TNRC18: variants seen among roughly 807,000 people sequenced by gnomAD.
TNRC18 encodes trinucleotide repeat-containing gene 18 protein.
Under a neutral mutation model 226.7 loss-of-function variants are expected in TNRC18, and 69 were observed. The observed-to-expected ratio is 0.30, with a 90% CI of 0.25 to 0.37. TNRC18 has a LOEUF of 0.37. Ranked by LOEUF, TNRC18 falls within the 10% of genes least tolerant of loss-of-function variation. The pLI is 1.00. For synonymous variants in TNRC18, 2,449 were observed against 1,927.6 expected, an observed-to-expected ratio of 1.27 and a Z score of -7.09; for missense variants, 4,754 against 4,256.6, an observed-to-expected ratio of 1.12 and a Z score of -3.25.
intron 8 of TNRC18, 60 bp downstream of exon 8, chr7:5,376,787 G>C (rs1779008261): frequency 6.4e-7 from 1 of 1,572,164 alleles, no homozygotes; most frequent in Non-Finnish European, 8.6e-7. Flanking sequence ...TGGCATCAGA[G>C]ACCATCTCGC....
chr7:5,332,882 G>T lies in TNRC18; in HGVS notation c.5887C>A (p.Leu1963Met). 6.6e-7 allele frequency: 1 copy of T among 1,522,752 alleles called. No individual in the cohort carries two copies. Among genetic ancestry groups the T allele is most frequent in the Non-Finnish European group, 8.7e-7 (1 of 1,143,826 alleles). 94.3% of individuals were successfully genotyped at this position (1,522,752 alleles called of 1,614,324 possible). A position where few individuals can be genotyped will look rare whatever the true frequency, so the allele number is the denominator to read the frequency against. ...GCCTTGCGCCCCTTCTCCACCGCCA[G>T]CTTGGCCTTGTCTGGGCTGCTGGGG... ...PDPSSPDKAKLAVEKGRKARK... is the reference protein window; with the variant it reads ...PDPSSPDKAKMAVEKGRKARK... Residue 1963 changes from leucine to methionine, a missense_variant, in exon 19 of 30, where the codon CTG (leucine) becomes ATG (methionine). Coordinates refer to ENST00000430969, the MANE Select transcript of TNRC18 (RefSeq NM_001080495.3).
chr7:5,410,240 G>C (rs987553430), intron 2 of TNRC18, among the ~76,000 whole-genome samples: 2 of 149,752 alleles, frequency 1.3e-5, no homozygotes, highest in African/African-American at 2.5e-5. Flanking sequence ...GAACCCAAGA[G>C]GCAGAGGTTG....
At chr7:5,421,014 C>T (rs780744649) in intron 2 of TNRC18, 46 bp downstream of exon 2, 1 of 1,542,996 alleles carries the variant, frequency 6.5e-7, no homozygotes, top group South Asian at 1.2e-5. Flanking sequence ...CCGAGTGGAT[C>T]TCCCTGGGAA....
Position 5,357,026 on chromosome 7 carries a change from T to G in TNRC18, c.5084A>C (p.Lys1695Thr). The G allele has an allele frequency of 6.4e-7, 1 of 1,552,330 alleles. No homozygotes were observed. The highest frequency in any genetic ancestry group is 1.4e-5 in the African/African-American group (1 of 73,176). ...GLSLKSSREG[K>T]HKRAAKTRKM... Reference sequence around the variant, plus strand: ...CCTGGTTTTGGCTGCCCTTTTGTGTTTACCTTCTCTGGAGGATTTCAGAGA... The same window carrying G: ...CCTGGTTTTGGCTGCCCTTTTGTGTGTACCTTCTCTGGAGGATTTCAGAGA... Residue 1695 changes from lysine to threonine, a missense_variant, in exon 16 of 30, where the codon AAA (lysine) becomes ACA (threonine). Coordinates refer to ENST00000430969, the MANE Select transcript of TNRC18 (RefSeq NM_001080495.3).
In TNRC18 at chr7:5,362,675, C is replaced by T; in HGVS notation, c.4370G>A (p.Ser1457Asn). 1 of 1,588,850 alleles carries T rather than the reference C, an allele frequency of 6.3e-7. No individual in the cohort carries two copies. Among genetic ancestry groups the T allele is most frequent in the Non-Finnish European group, 8.6e-7 (1 of 1,168,624 alleles). The change falls in exon 12 of 30, where the codon AGC (serine) becomes AAC (asparagine). Residue 1457 changes from serine to asparagine, a missense_variant. Ser to Asn is a conservative substitution (Grantham distance 46). Coordinates refer to ENST00000430969, the MANE Select transcript of TNRC18 (RefSeq NM_001080495.3). ...PRELKPNKKYSWMRKKEERMY... is the reference protein window; with the variant it reads ...PRELKPNKKYNWMRKKEERMY... ...CCGCTCCTCCTTCTTGCGCATCCAG[C>T]TGTACTTCTTGTTGGGCTTCAGCTC...
intron 18 of TNRC18, 45 bp downstream of exon 18, chr7:5,345,517 G>GGGGGGGCCGCCCCCCCCCCCCCCCCCC: frequency 2.6e-6 from 1 of 377,744 alleles, no homozygotes; most frequent in Non-Finnish European, 4.8e-6. Flanking sequence ...AATGGCGTCC[G>GGGGGGGCCGCCCCCCCCCCCCCCCCCC]CCCCTCCCAC....
chr7:5,387,016 G>T (rs1006625928), intron 5 of TNRC18, among the ~76,000 whole-genome samples: 1 of 152,192 alleles, frequency 6.6e-6, no homozygotes, highest in African/African-American at 2.4e-5. Context: ...GGAGGTTGCG[G>T]TGAGCTGAGA....
chr7:5,388,920 GC>G lies in TNRC18; in HGVS notation c.903del (p.Arg302AlafsTer288). On this transcript the variant is annotated frameshift_variant, in exon 5 of 30. Transcript: ENST00000430969. LOFTEE classifies it high-confidence loss of function. ...CGGGCAGCCTCCTTGGCACCCCCGC[GC>G]CCCGCTTCGGCCACCAGCGCGGGCA... ...VGLPALVAEA[G>X]RGGAKEAARQ... 2.2e-6 allele frequency: 3 copies of G among 1,371,658 alleles called. No individual in the cohort carries two copies. The highest frequency in any genetic ancestry group is 3.8e-5 in the East Asian group (1 of 26,042). 85.0% of individuals were successfully genotyped at this position (1,371,658 alleles called of 1,614,324 possible). A position where few individuals can be genotyped will look rare whatever the true frequency, so the allele number is the denominator to read the frequency against.
Position 5,361,667 on chromosome 7 carries a change from G to C in TNRC18, c.4588C>G (p.Arg1530Gly), listed in dbSNP as rs776197746. The change falls in exon 14 of 30, where the codon CGG (arginine) becomes GGG (glycine). Residue 1530 changes from arginine (R) to glycine (G), a missense_variant. Transcript: ENST00000430969. ...SLARRGPGRPRKRTHAPSALS... is the reference protein window; with the variant it reads ...SLARRGPGRPGKRTHAPSALS... ...GCGCTCGGGGCGTGGGTCCGTTTCC[G>C]CGGCCTGCCAGGGCCTCTGCGTGCC... 1.9e-5 allele frequency: 30 copies of C among 1,562,780 alleles called. No individual in the cohort carries two copies. The highest frequency in any genetic ancestry group is 2.5e-5 in the Non-Finnish European group (29 of 1,154,786).
At position 5,357,250 on chromosome 7, in the gene TNRC18, G is replaced by C; in HGVS notation, c.4860C>G (p.Ala1620=). The change falls in exon 16 of 30, where the codon GCC becomes GCG. Residue 1620 remains alanine (A), a synonymous_variant. Coordinates refer to ENST00000430969, the MANE Select transcript of TNRC18 (RefSeq NM_001080495.3). ...SQLKIKKKKM[A]SDQEQLASKL... Reference sequence around the variant, plus strand: ...TGCTTGCCAACTGCTCCTGGTCGCTGGCCATCTTCTTCTTCTTAATCTTTA... The same window carrying C: ...TGCTTGCCAACTGCTCCTGGTCGCTCGCCATCTTCTTCTTCTTAATCTTTA... The C allele has an allele frequency of 6.2e-7, 1 of 1,611,896 alleles. No individual in the cohort carries two copies. Among genetic ancestry groups the C allele is most frequent in the Non-Finnish European group, 8.5e-7 (1 of 1,179,130 alleles).
At chr7:5,385,011 G>A (rs1351215811) in intron 5 of TNRC18, among the ~76,000 whole-genome samples, 8 of 152,238 alleles carry the variant, frequency 5.3e-5, no homozygotes, top group Admixed American at 3.3e-4. Flanking sequence ...GGCCGTCCCC[G>A]GAAGGCAGGA....
chr7:5,388,972 G>A lies in TNRC18; in HGVS notation c.852C>T (p.Cys284=). The A allele has an allele frequency of 1.4e-6, 2 of 1,391,796 alleles. No homozygotes were observed. Among genetic ancestry groups the A allele is most frequent in the East Asian group, 3.6e-5 (1 of 27,656 alleles). The allele number at this position is 1,391,796 out of a possible 1,614,324, so 86.2% of individuals were successfully genotyped here. The stretch of plus-strand genomic sequence containing the variant: ...GCCCCACGTCCCCGGCGCCGCCGTT[G>A]CACATGGTCAGTACCGACGGCTGCA... The part of the protein sequence containing the change: ...AALQPSVLTM[C]NGGAGDVGLP... Residue 284 remains cysteine (C), a synonymous_variant, in exon 5 of 30, where the codon TGC becomes TGT. Coordinates refer to ENST00000430969, the MANE Select transcript of TNRC18 (RefSeq NM_001080495.3).
At chr7:5,321,234 C>T (rs1788323010) in intron 21 of TNRC18, 44 bp from the exon 22 acceptor site, 1 of 1,367,740 alleles carries the variant, frequency 7.3e-7, no homozygotes, top group Middle Eastern at 2.5e-4. Flanking sequence ...CCGGGGGCGT[C>T]TGCGACACCT....
intron 27 of TNRC18, among the ~76,000 whole-genome samples, chr7:5,310,559 A>G (rs1455569558): frequency 1.3e-5 from 2 of 151,900 alleles, no homozygotes; most frequent in Non-Finnish European, 2.9e-5. Context: ...TTTCAAGACA[A>G]GGTCTCACAC....
chr7:5,405,727 G>C lies in TNRC18; in HGVS notation c.188-11132C>G, dbSNP rs373422151. Among the ~76,000 whole-genome samples the C allele has an allele frequency of 8.5e-5, 13 of 152,272 alleles. No individual in the cohort carries two copies. The East Asian group carries it at 2.3e-3, about 27-fold the overall frequency. On this transcript the variant is annotated intron_variant, in intron 2 of 29. Coordinates refer to ENST00000430969, the MANE Select transcript of TNRC18 (RefSeq NM_001080495.3). ...CACTGCACTCCAAGCCTGGGCAACA[G>C]AGCAAGACTCTGTCTCAAAAACAAA...
At chr7:5,407,490 C>T (rs1190335165) in intron 2 of TNRC18, 2 of 152,260 alleles carry the variant, frequency 1.3e-5, no homozygotes, top group Non-Finnish European at 2.9e-5. Flanking sequence ...AGCAGATTCC[C>T]AAAGATCCAT....
In TNRC18 at chr7:5,345,843, C is replaced by G. The variant is rs1467577966; in HGVS notation, c.5471-33G>C. On this transcript the variant is annotated intron_variant, in intron 17 of 29. Coordinates refer to ENST00000430969, the MANE Select transcript of TNRC18 (RefSeq NM_001080495.3). Reference sequence around the variant, plus strand: ...GCAGAAAACAGGGACCGAGTCAGAGCCTTGGCCTTGGCGAGGGCCACCCCC... The same window carrying G: ...GCAGAAAACAGGGACCGAGTCAGAGGCTTGGCCTTGGCGAGGGCCACCCCC... The G allele has an allele frequency of 2.6e-6, 4 of 1,519,858 alleles. No homozygotes were observed. The African/African-American group carries it at 4.1e-5, about 16-fold the overall frequency. 94.1% of individuals were successfully genotyped at this position (1,519,858 alleles called of 1,614,324 possible).
intron 2 of TNRC18, among the ~76,000 whole-genome samples, chr7:5,418,615 A>C (rs1782338821): frequency 6.6e-6 from 1 of 152,220 alleles, no homozygotes; most frequent in Admixed American, 6.5e-5. Context: ...GACCCCAAGC[A>C]AGTGGCTCAA....
Position 5,361,633 on chromosome 7 carries a change from G to A in TNRC18, c.4622C>T (p.Pro1541Leu), listed in dbSNP as rs555828083. 80 of 1,548,332 alleles carry A rather than the reference G, an allele frequency of 5.2e-5. 2 individuals are homozygous for A. In the South Asian group the frequency reaches 9.3e-4, roughly 18 times the overall value. Residue 1541 changes from proline to leucine, a missense_variant, in exon 14 of 30, where the codon CCC becomes CTC. Transcript: ENST00000430969. ...GCCGCTCTTCCCTCTCTTGCGGGGG[G>A]GCGACAGGGCGCTCGGGGCGTGGGT... ...KRTHAPSALS[P>L]PRKRGKSGHS... is the part of the protein sequence containing the mutation.
Sources: allele counts gnomAD v4.1 joint callset (sites outside exome capture counted in the v4.1 genomes callset), GRCh38; gene constraint gnomAD v4.1.1; transcripts MANE v1.5; gene names NCBI Gene and HGNC (gene_info 2026-07-23, HGNC 2026-07-21).